The following WDPCP variants were observed in gnomAD, a reference collection of about 807,000 sequenced individuals.
WDPCP encodes the protein WD repeat-containing and planar cell polarity effector protein fritz homolog.
WDPCP carries 71 observed loss-of-function variants against 93.1 expected under a neutral mutation model. The ratio of observed to expected loss-of-function variants is 0.76; its 90% CI spans 0.63 to 0.93. WDPCP has a LOEUF of 0.93. WDPCP is among the 40% of genes least tolerant of loss of function. WDPCP has a pLI of 0.00. For synonymous variants in WDPCP, 315 were observed against 315.0 expected, an observed-to-expected ratio of 1.00 and a Z score of 0.00; for missense variants, 844 against 887.4, an observed-to-expected ratio of 0.95 and a Z score of 0.62.
chr2:63,465,860 G>A (rs1699316134), intron 6 of WDPCP, among the ~76,000 whole-genome samples: 1 of 152,152 alleles, frequency 6.6e-6, no homozygotes, highest in Non-Finnish European at 1.5e-5. Flanking sequence ...AAAGAATGTA[G>A]CATAAACTAA....
At chr2:63,516,723 G>A (rs966084700) in intron 1 of WDPCP, among the ~76,000 whole-genome samples, 14 of 152,052 alleles carry the variant, frequency 9.2e-5, no homozygotes, top group African/African-American at 3.4e-4. Context: ...TGGCCTATCT[G>A]GTCCATTCTC....
intron 1 of WDPCP, among the ~76,000 whole-genome samples, chr2:63,558,187 T>C (rs966964294): frequency 2.0e-5 from 3 of 151,468 alleles, no homozygotes; most frequent in African/African-American, 7.3e-5. Context: ...ATGAATCCAG[T>C]AGCTGGTTTT....
intron 12 of WDPCP, among the ~76,000 whole-genome samples, chr2:63,373,490 A>C (rs1306269030): frequency 1.3e-5 from 2 of 151,462 alleles, no homozygotes; most frequent in African/African-American, 4.8e-5. Context: ...TCCTGGGCTG[A>C]AGCGATTCTC....
chr2:63,135,489 G>A (rs1670554731), intron 17 of WDPCP, among the ~76,000 whole-genome samples: 1 of 151,146 alleles, frequency 6.6e-6, no homozygotes, highest in South Asian at 2.1e-4. Flanking sequence ...GCGTCACCAC[G>A]CCCAGCTAAT....
intron 3 of WDPCP, chr2:63,605,946 T>G: frequency 6.2e-7 from 1 of 1,613,558 alleles, no homozygotes; most frequent in Non-Finnish European, 8.5e-7. Context: ...CAGGGAGAGT[T>G]TGTGTCCATG....
intron 12 of WDPCP, chr2:63,368,751 A>G (rs966124352): frequency 6.6e-6 from 1 of 152,206 alleles, no homozygotes; most frequent in Non-Finnish European, 1.5e-5. Context: ...ATAAAAGTGT[A>G]AAGGATTATT....
chr2:63,233,839 G>C (rs1186825952), intron 14 of WDPCP, among the ~76,000 whole-genome samples: 1 of 152,136 alleles, frequency 6.6e-6, no homozygotes, highest in Non-Finnish European at 1.5e-5. Flanking sequence ...AGGGGTATGA[G>C]GTTGATCTGG....
At chr2:63,495,778 C>A (rs566085846) in intron 1 of WDPCP, among the ~76,000 whole-genome samples, 8 of 152,054 alleles carry the variant, frequency 5.3e-5, no homozygotes, top group Non-Finnish European at 1.0e-4. Context: ...TCCATCACTA[C>A]GCAAATTTGT....
intron 2 of WDPCP, among the ~76,000 whole-genome samples, chr2:63,802,281 TAAAAAAAAAAAAAAAAAAAAAAAAAA>T (rs58717654): frequency 0.36 from 19,759 of 54,888 alleles, 2,309 homozygotes; most frequent in Middle Eastern, 0.56. Flanking sequence ...CCCTCTCTCT[TAAAAAAAAAAAAAAAAAAAAAAAAAA>T]AAAAAAAAAA....
At chr2:63,461,337 T>G (rs1698994174) in intron 6 of WDPCP, among the ~76,000 whole-genome samples, 1 of 152,088 alleles carries the variant, frequency 6.6e-6, no homozygotes, top group South Asian at 2.1e-4. Flanking sequence ...TAAATTTAGT[T>G]GTTTAAATGT....
rs536556978 is a variant in WDPCP at position 63,535,523 on chromosome 2, A to T, written c.76-42583T>A. 2.6e-5 allele frequency among the ~76,000 whole-genome samples: 4 copies of T among 152,334 alleles called. No individual in the cohort carries two copies. In the East Asian group the frequency reaches 7.7e-4, roughly 29 times the overall value. On this transcript the variant is annotated intron_variant, in intron 1 of 17. Transcript: ENST00000272321. ...GGTACCAAAACAGAGATATAGACCA[A>T]TGGAACAGAACAGAGCCCTCAGAAA... is the stretch of plus-strand genomic sequence containing the variant.
chr2:63,243,669 T>C (rs1024637234), intron 14 of WDPCP, among the ~76,000 whole-genome samples: 2 of 152,124 alleles, frequency 1.3e-5, no homozygotes, highest in Non-Finnish European at 2.9e-5. Flanking sequence ...CTATCCTAAA[T>C]GTATATACAC....
At chr2:63,451,918 A>G (rs1280574765) in intron 6 of WDPCP, among the ~76,000 whole-genome samples, 1 of 152,204 alleles carries the variant, frequency 6.6e-6, no homozygotes, top group Non-Finnish European at 1.5e-5. Context: ...CTCTCAATAA[A>G]TTAGGTATTG....
Position 63,244,704 on chromosome 2 carries a change from C to T in WDPCP, c.1915+14603G>A, listed in dbSNP as rs146041005. On this transcript the variant is annotated intron_variant, in intron 14 of 17. Transcript: ENST00000272321. ...CCCTAAACAGACCAATAACAAATTC[C>T]GAAATCAAATAAGTAATTTTTAATA... Among the ~76,000 whole-genome samples the T allele has an allele frequency of 3.0e-4, 46 of 152,208 alleles. No homozygotes were observed. In the East Asian group the frequency reaches 7.5e-3, roughly 25 times the overall value.
chr2:63,588,577 T>C, upstream of WDPCP: 1 of 539,474 alleles, frequency 1.9e-6, no homozygotes, highest in Non-Finnish European at 3.3e-6. Flanking sequence ...CCTCCCACGT[T>C]TACCCTCATG....
intron 6 of WDPCP, chr2:63,442,468 T>G (rs991842346): frequency 6.6e-6 from 1 of 152,220 alleles, no homozygotes; most frequent in Admixed American, 6.5e-5. Context: ...AATGTATGCA[T>G]GCTCTTGCCT....
intron 14 of WDPCP, among the ~76,000 whole-genome samples, chr2:63,255,011 A>G (rs62177821): frequency 0.2 from 30,700 of 152,134 alleles, 3,945 homozygotes; most frequent in Non-Finnish European, 0.3. Context: ...TCACGATATT[A>G]ATAGAACAAA....
At chr2:63,526,696 C>T (rs1353746326) in intron 1 of WDPCP, among the ~76,000 whole-genome samples, 5 of 152,156 alleles carry the variant, frequency 3.3e-5, no homozygotes, top group South Asian at 4.1e-4. Context: ...ACATGGCTGG[C>T]TGCTTCTCAT....
intron 2 of WDPCP, among the ~76,000 whole-genome samples, chr2:63,758,828 A>T (rs1408848282): frequency 1.3e-5 from 2 of 151,736 alleles, no homozygotes; most frequent in Non-Finnish European, 2.9e-5. Context: ...CCCAGGCTGG[A>T]GTGCAGTGTC....
Sources: allele counts gnomAD v4.1 joint callset (sites outside exome capture counted in the v4.1 genomes callset), GRCh38; gene constraint gnomAD v4.1.1; transcripts MANE v1.5; gene names NCBI Gene and HGNC (gene_info 2026-07-23, HGNC 2026-07-21).